SLC20A2: variants seen among roughly 807,000 people sequenced by gnomAD.
SLC20A2 encodes solute carrier family 20 member 2.
A neutral mutation model predicts 61.0 loss-of-function variants in SLC20A2; 30 were observed. That is an observed-to-expected ratio of 0.49 (90% CI 0.37 to 0.67). The LOEUF (loss-of-function observed/expected upper bound fraction) is 0.67, where lower values mean the gene tolerates loss of function less well. Ranked by LOEUF, SLC20A2 falls within the 30% of genes least tolerant of loss-of-function variation. SLC20A2 has a pLI of 0.00. For missense variants in SLC20A2, 626 were observed against 866.4 expected (o/e 0.72, Z 3.48); for synonymous variants, 351 against 353.3 (o/e 0.99, Z 0.07).
At chr8:42,488,447 C>G (rs1809224399) in intron 1 of SLC20A2, among the ~76,000 whole-genome samples, 1 of 152,060 alleles carries the variant, frequency 6.6e-6, no homozygotes, top group Non-Finnish European at 1.5e-5. Flanking sequence ...CTCAGCCTCC[C>G]AAAGTGCTGA....
intron 8 of SLC20A2, among the ~76,000 whole-genome samples, chr8:42,433,807 T>C (rs1804041254): frequency 1.3e-5 from 2 of 152,226 alleles, no homozygotes; most frequent in Non-Finnish European, 2.9e-5. Context: ...CAAACGGCAG[T>C]GCTTTGAACA....
chr8:42,469,700 T>A (rs552006754), intron 2 of SLC20A2, among the ~76,000 whole-genome samples: 406 of 152,098 alleles, frequency 2.7e-3, no homozygotes, highest in African/African-American at 9.4e-3. Context: ...GAGGCCAAGG[T>A]GGGAGGATCA....
chr8:42,487,724 T>C (rs1313966305), intron 1 of SLC20A2, among the ~76,000 whole-genome samples: 1 of 152,242 alleles, frequency 6.6e-6, no homozygotes, highest in African/African-American at 2.4e-5. Context: ...CAAAATGTTT[T>C]TAAATTATGG....
At chr8:42,439,385 G>A (rs1804582587) in intron 7 of SLC20A2, 65 bp downstream of exon 7, 5 of 1,514,628 alleles carry the variant, frequency 3.3e-6, no homozygotes, top group Non-Finnish European at 4.5e-6. Context: ...CCCAGGCCCA[G>A]CTGGTCCTCC....
At chr8:42,457,488 T>C in intron 5 of SLC20A2, among the ~76,000 whole-genome samples, 1 of 151,818 alleles carries the variant, frequency 6.6e-6, no homozygotes, top group Non-Finnish European at 1.5e-5. Flanking sequence ...TTAAACTTTT[T>C]TTTTTTTTTT....
At chr8:42,538,676 C>T (rs1204077873) in intron 1 of SLC20A2, among the ~76,000 whole-genome samples, 1 of 152,148 alleles carries the variant, frequency 6.6e-6, no homozygotes, top group African/African-American at 2.4e-5. Flanking sequence ...ATTCAGGGAG[C>T]TTAAAGGGCA....
chr8:42,523,159 C>G (rs918057372), intron 1 of SLC20A2, among the ~76,000 whole-genome samples: 2 of 151,978 alleles, frequency 1.3e-5, no homozygotes, highest in African/African-American at 4.8e-5. Flanking sequence ...GGTGAAACCC[C>G]GTCTCTACTA....
chr8:42,487,195 T>TG (rs1218547504), intron 1 of SLC20A2, among the ~76,000 whole-genome samples: 6 of 110,966 alleles, frequency 5.4e-5, no homozygotes, highest in Non-Finnish European at 1.1e-4. Flanking sequence ...TTTTTTTTTT[T>TG]GAGACAGAGT....
chr8:42,536,542 A>G (rs1455869972), intron 1 of SLC20A2: 1 of 152,240 alleles, frequency 6.6e-6, no homozygotes, highest in African/African-American at 2.4e-5. Context: ...AGCTCCCAAC[A>G]AAAGGGAGAC....
chr8:42,443,126 T>C (rs966461340), intron 6 of SLC20A2, among the ~76,000 whole-genome samples: 14 of 149,614 alleles, frequency 9.4e-5, no homozygotes, highest in African/African-American at 3.4e-4. Context: ...TTACTATAAC[T>C]ATAATAATAC....
intron 1 of SLC20A2, among the ~76,000 whole-genome samples, chr8:42,491,586 G>A (rs1270672423): frequency 2.0e-5 from 3 of 151,506 alleles, no homozygotes; most frequent in Non-Finnish European, 4.4e-5. Flanking sequence ...CAAGAGAATC[G>A]CTTGAACGTG....
At chr8:42,531,868 G>A (rs893544002) in intron 1 of SLC20A2, among the ~76,000 whole-genome samples, 2 of 151,258 alleles carry the variant, frequency 1.3e-5, no homozygotes, top group African/African-American at 4.9e-5. Context: ...ACCCAGGCTG[G>A]AGTGCAGTGG....
rs1901282 is a variant in SLC20A2, at chr8:42,537,799, C to T, written c.-265+4022G>A. The T allele has an allele frequency of 2.0e-5, 3 of 152,092 alleles. No individual in the cohort carries two copies. In the East Asian group the frequency reaches 5.8e-4, roughly 29 times the overall value. 9.4% of individuals were successfully genotyped at this position (152,092 alleles called of 1,614,324 possible). A position where few individuals can be genotyped will look rare whatever the true frequency, so the allele number is the denominator to read the frequency against. ...AGTTTAGAGACACTGCAATCTCTTA[C>T]GCTACTTTGAAATTTTTAAAAGAGC... On this transcript the variant is annotated intron_variant, in intron 1 of 10. Coordinates refer to the SLC20A2 transcript ENST00000342228.
intron 1 of SLC20A2, among the ~76,000 whole-genome samples, chr8:42,525,217 C>T (rs1341695928): frequency 6.6e-6 from 1 of 152,104 alleles, no homozygotes; most frequent in African/African-American, 2.4e-5. Flanking sequence ...GACAGATACA[C>T]CTCTATTTTT....
At chr8:42,438,061 A>AT (rs1804451369) in intron 7 of SLC20A2, among the ~76,000 whole-genome samples, 1 of 107,724 alleles carries the variant, frequency 9.3e-6, no homozygotes, top group Non-Finnish European at 2.0e-5. Context: ...AAAAAAAAAA[A>AT]CCAAAAAAAA....
chr8:42,469,381 A>G (rs1807444845), intron 2 of SLC20A2, among the ~76,000 whole-genome samples: 1 of 152,244 alleles, frequency 6.6e-6, no homozygotes, highest in Non-Finnish European at 1.5e-5. Context: ...TTATTCAAGC[A>G]AAACCCCAAA....
chr8:42,500,382 T>A (rs1442737495), intron 1 of SLC20A2, among the ~76,000 whole-genome samples: 1 of 152,222 alleles, frequency 6.6e-6, no homozygotes, highest in African/African-American at 2.4e-5. Context: ...TTAGATGAAC[T>A]GCAGTTAAGG....
chr8:42,531,812 TCTG>T (rs1812337652), intron 1 of SLC20A2, among the ~76,000 whole-genome samples: 2 of 149,754 alleles, frequency 1.3e-5, no homozygotes, highest in South Asian at 4.2e-4. Context: ...AGATTAAGTC[TCTG>T]CTTTTTTTTT....
intron 1 of SLC20A2, among the ~76,000 whole-genome samples, chr8:42,479,302 C>T (rs980802784): frequency 3.9e-5 from 6 of 152,150 alleles, no homozygotes; most frequent in Non-Finnish European, 8.8e-5. Flanking sequence ...CTGGGCACTT[C>T]ATAGACCAAG....
Sources: gnomAD v4.1 joint callset for allele counts (sites outside exome capture counted in the v4.1 genomes callset) on GRCh38, gnomAD v4.1.1 for gene constraint, MANE v1.5 for transcripts, NCBI Gene and HGNC (gene_info 2026-07-23, HGNC 2026-07-21) for gene names.